Variants in HMCN1 observed in about 807,000 individuals in gnomAD.
The protein encoded by HMCN1 is hemicentin-1.
HMCN1 carries 321 observed loss-of-function variants against 625.9 expected under a neutral mutation model. That is an observed-to-expected ratio of 0.51 (90% CI 0.47 to 0.56). The LOEUF (loss-of-function observed/expected upper bound fraction) is 0.56. HMCN1 is among the 20% of genes least tolerant of loss of function. The probability of loss-of-function intolerance (pLI) is 0.00; values close to 1 mark genes in which losing one functional copy is unlikely to be tolerated. For missense variants in HMCN1, 6,588 were observed against 6,887.3 expected, an observed-to-expected ratio of 0.96 and a Z score of 1.54; for synonymous variants, 2,425 against 2,417.6, an observed-to-expected ratio of 1.00 and a Z score of -0.09.
chr1:186,182,401 C>A, intron 105 of HMCN1, 114 bp downstream of exon 105: 3 of 1,206,922 alleles, frequency 2.5e-6, no homozygotes, highest in Non-Finnish European at 3.6e-6. Context: ...CTTACCCATT[C>A]CCGTGGGTCA....
chr1:185,773,564 C>A (rs1395686187), intron 1 of HMCN1, among the ~76,000 whole-genome samples: 2 of 152,078 alleles, frequency 1.3e-5, no homozygotes, highest in Non-Finnish European at 2.9e-5. Context: ...AAGGAAAATG[C>A]AGAGAAAAGG....
At chr1:185,989,721 A>G (rs942669104) in intron 21 of HMCN1, 74 bp downstream of exon 21, 1 of 1,415,524 alleles carries the variant, frequency 7.1e-7, no homozygotes, top group African/African-American at 1.4e-5. Context: ...TTTCCCCAAT[A>G]CTGTTACCAG....
At position 185,885,475 on chromosome 1, in the gene HMCN1, A is replaced by G. The variant is rs528997526; in HGVS notation, c.621+19612A>G. On this transcript the variant is annotated intron_variant, in intron 4 of 106. Transcript: ENST00000271588. ...TTACATAGGTAAATATTATTTCCTT[A>G]TTACCTGTGTTAAAAATTACTTTAG... Among the ~76,000 whole-genome samples the G allele has an allele frequency of 3.3e-5, 5 of 151,668 alleles. No individual in the cohort carries two copies. The East Asian group carries it at 7.8e-4, about 24-fold the overall frequency.
At chr1:185,796,650 G>T (rs1658402731) in intron 1 of HMCN1, among the ~76,000 whole-genome samples, 1 of 151,988 alleles carries the variant, frequency 6.6e-6, no homozygotes, top group Non-Finnish European at 1.5e-5. Flanking sequence ...GTGTGTGTGT[G>T]TGTGTATACT....
At chr1:185,802,973 T>C (rs925929274) in intron 1 of HMCN1, among the ~76,000 whole-genome samples, 1 of 151,966 alleles carries the variant, frequency 6.6e-6, no homozygotes, top group African/African-American at 2.4e-5. Context: ...AGTATTTGGA[T>C]ATATGCAGTA....
chr1:186,075,013 G>A, intron 53 of HMCN1, 122 bp downstream of exon 53: 1 of 809,852 alleles, frequency 1.2e-6, no homozygotes, highest in Non-Finnish European at 2.0e-6. Context: ...ATTCATGATT[G>A]AAAATTTAGA....
chr1:186,007,041 A>G lies in HMCN1; in HGVS notation c.4476-87A>G, dbSNP rs1571705511. 21 of 984,516 alleles carry G rather than the reference A, an allele frequency of 2.1e-5. No homozygotes were observed. In the East Asian group the frequency reaches 5.1e-4, roughly 24 times the overall value. The allele number at this position is 984,516 out of a possible 1,614,324, so 61.0% of individuals were successfully genotyped here. ...TAAATTAACTTTTACTTGTATTTTT[A>G]GCCTGTACTAATGATTTTTGTTGTG... On this transcript the variant is annotated intron_variant, in intron 29 of 106. Transcript: ENST00000271588.
At chr1:186,159,134 A>G (rs1284664994) in intron 97 of HMCN1, among the ~76,000 whole-genome samples, 3 of 151,224 alleles carry the variant, frequency 2.0e-5, no homozygotes, top group African/African-American at 7.3e-5. Context: ...TTCTCCTTGA[A>G]GAGGTCCTTC....
Position 186,001,599 on chromosome 1 carries a change from T to G in HMCN1, c.4206T>G (p.Thr1402=). ...IMWYKDNVQV[T]ESSTIQTVNN... is the part of the protein sequence containing the mutation. ...GACCATTTTGGCCCTTAAAGGTGAC[T>G]GAAAGCAGCACTATTCAGACTGTGA... Residue 1402 remains threonine (T), a synonymous_variant, in exon 28 of 107, where the codon ACT becomes ACG. Transcript: ENST00000271588. The G allele has an allele frequency of 6.2e-7, 1 of 1,613,142 alleles. No homozygotes were observed. The highest frequency in any genetic ancestry group is 8.5e-7 in the Non-Finnish European group (1 of 1,179,316).
chr1:185,868,782 A>G (rs916546050), intron 4 of HMCN1, among the ~76,000 whole-genome samples: 3 of 152,310 alleles, frequency 2.0e-5, no homozygotes, highest in Admixed American at 6.5e-5. Flanking sequence ...GATAATTTGT[A>G]AGAAGAATAC....
intron 30 of HMCN1, among the ~76,000 whole-genome samples, chr1:186,007,832 C>T (rs1032955571): frequency 6.6e-6 from 1 of 152,054 alleles, no homozygotes; most frequent in Non-Finnish European, 1.5e-5. Flanking sequence ...TTGCCAAATT[C>T]ATTTTAATTT....
chr1:185,803,205 C>CAAAAAAAAAAA, intron 1 of HMCN1, among the ~76,000 whole-genome samples: 23 of 58,780 alleles, frequency 3.9e-4, no homozygotes, highest in South Asian at 7.6e-4. Context: ...AAAAAAAAAG[C>CAAAAAAAAAAA]AAAAAAAAAA....
At chr1:185,765,743 G>T (rs1655832435) in intron 1 of HMCN1, among the ~76,000 whole-genome samples, 1 of 152,172 alleles carries the variant, frequency 6.6e-6, no homozygotes, top group African/African-American at 2.4e-5. Context: ...CCCTGGACTA[G>T]CAGCATCAGC....
At chr1:185,935,976 T>C (rs1218110181) in intron 11 of HMCN1, among the ~76,000 whole-genome samples, 4 of 152,166 alleles carry the variant, frequency 2.6e-5, no homozygotes, top group Non-Finnish European at 5.9e-5. Flanking sequence ...TAAATCTTTT[T>C]AAAAGCAGAA....
chr1:185,820,599 G>A (rs1660125269), intron 1 of HMCN1, among the ~76,000 whole-genome samples: 1 of 152,006 alleles, frequency 6.6e-6, no homozygotes, highest in South Asian at 2.1e-4. Flanking sequence ...ACTCAAATAA[G>A]GTTATACATA....
chr1:185,785,373 A>G (rs963131436), intron 1 of HMCN1, among the ~76,000 whole-genome samples: 3 of 152,182 alleles, frequency 2.0e-5, no homozygotes, highest in South Asian at 2.1e-4. Flanking sequence ...TTCTCTGGTG[A>G]CCATTTCTTA....
At chr1:186,037,483 A>G (rs1181020528) in intron 36 of HMCN1, among the ~76,000 whole-genome samples, 1 of 152,158 alleles carries the variant, frequency 6.6e-6, no homozygotes, top group Admixed American at 6.5e-5. Flanking sequence ...AAACCACACA[A>G]AAGTTATTCT....
At position 186,166,214 on chromosome 1, in the gene HMCN1, G is replaced by T. The variant is rs1279807883; in HGVS notation, c.15350G>T (p.Cys5117Phe). The T allele has an allele frequency of 1.9e-6, 3 of 1,614,108 alleles. No homozygotes were observed. The highest frequency in any genetic ancestry group is 2.2e-5 in the South Asian group (2 of 91,082). Residue 5117 changes from cysteine (C) to phenylalanine (F), a missense_variant, in exon 99 of 107, where the codon TGC becomes TTC. Physicochemically the swap from Cys to Phe is radical, Grantham distance 205 (BLOSUM62 -2). This residue lies in a region of HMCN1 where 1,954 missense variants were observed against 2,013.1 expected (regional missense o/e 0.97). Coordinates refer to ENST00000271588, the MANE Select transcript of HMCN1 (RefSeq NM_031935.3). ...GATGAATGTGCAGCAGGGAATCCCT[G>T]CTCCCATAGCTGCCACAATGCCATG... ...DEDECAAGNP[C>F]SHSCHNAMGT...
At chr1:185,916,257 C>A (rs1467656370) in intron 6 of HMCN1, among the ~76,000 whole-genome samples, 1 of 152,064 alleles carries the variant, frequency 6.6e-6, no homozygotes, top group Non-Finnish European at 1.5e-5. Flanking sequence ...ACCATCTATT[C>A]TTTAATTTGT....
Sources: gnomAD v4.1 joint callset for allele counts (sites outside exome capture counted in the v4.1 genomes callset) on GRCh38, gnomAD v4.1.1 for gene constraint, gnomAD v4.1.1 regional missense constraint, MANE v1.5 for transcripts, NCBI Gene and HGNC (gene_info 2026-07-23, HGNC 2026-07-21) for gene names.